SLC4A7: variants seen among roughly 807,000 people sequenced by gnomAD.
SLC4A7 encodes the protein solute carrier family 4 member 7.
A neutral mutation model predicts 137.6 loss-of-function variants in SLC4A7; 51 were observed. That is an observed-to-expected ratio of 0.37 (90% CI 0.30 to 0.47). The LOEUF (loss-of-function observed/expected upper bound fraction) is 0.47, where lower values mean the gene tolerates loss of function less well. SLC4A7 is among the 20% of genes least tolerant of loss of function. The pLI, the probability that SLC4A7 is intolerant of heterozygous loss-of-function variation, is 1.00. For synonymous variants in SLC4A7, 542 were observed against 518.6 expected (o/e 1.05, Z -0.61); for missense variants, 1,247 against 1,525.4 (o/e 0.82, Z 3.04).
chr3:27,441,769 C>A (rs113602328), intron 3 of SLC4A7, among the ~76,000 whole-genome samples: 2 of 152,034 alleles, frequency 1.3e-5, no homozygotes, highest in South Asian at 2.1e-4. Flanking sequence ...TACAGGCATG[C>A]GTCAACATGT....
chr3:27,438,127 G>A (rs1019671939), intron 3 of SLC4A7, among the ~76,000 whole-genome samples: 13 of 151,198 alleles, frequency 8.6e-5, no homozygotes, highest in African/African-American at 2.9e-4. Flanking sequence ...AACCTGGGAA[G>A]TGGAGATTGC....
chr3:27,480,760 T>C (rs779483101), intron 1 of SLC4A7, among the ~76,000 whole-genome samples: 6 of 152,190 alleles, frequency 3.9e-5, no homozygotes, highest in Non-Finnish European at 7.4e-5. Context: ...TCATACTGGG[T>C]TGTCCGGGTC....
chr3:27,415,374 A>G (rs1483999822), intron 11 of SLC4A7, among the ~76,000 whole-genome samples: 2 of 152,222 alleles, frequency 1.3e-5, no homozygotes, highest in Non-Finnish European at 2.9e-5. Flanking sequence ...TTTTCCCTTC[A>G]AAGCTCAGCA....
chr3:27,471,133 C>A (rs2059229040), intron 1 of SLC4A7, among the ~76,000 whole-genome samples: 1 of 152,098 alleles, frequency 6.6e-6, no homozygotes, highest in African/African-American at 2.4e-5. Flanking sequence ...ACAATATATG[C>A]CCCTACTATT....
chr3:27,459,988 TATAC>T (rs767439921), intron 1 of SLC4A7, among the ~76,000 whole-genome samples: 27,934 of 102,564 alleles, frequency 0.27, 3,018 homozygotes, highest in South Asian at 0.44. Flanking sequence ...TATATATATA[TATAC>T]ACACACACAC....
chr3:27,401,992 CTTT>C, intron 15 of SLC4A7, among the ~76,000 whole-genome samples: 2 of 152,264 alleles, frequency 1.3e-5, no homozygotes, highest in African/African-American at 4.8e-5. Context: ...TTCATACCCT[CTTT>C]ATTCTGTCCG....
chr3:27,484,069 TG>T lies in SLC4A7; in HGVS notation c.57del (p.Ser19ArgfsTer19). 7.1e-7 allele frequency: 1 copy of T among 1,408,528 alleles called. No individual in the cohort carries two copies. The highest frequency in any genetic ancestry group is 9.3e-7 in the Non-Finnish European group (1 of 1,077,280). The allele number at this position is 1,408,528 out of a possible 1,614,324, so 87.3% of individuals were successfully genotyped here. A position where few individuals can be genotyped will look rare whatever the true frequency, so the allele number is the denominator to read the frequency against. ...QMRPLLTRVT[S>X]RGPDEEAVVD... ...CCCCACCGCCGCGGCGCCCTCACCC[TG>T]CTCGTTACCCGGGTGAGTAGCGGTC... is the stretch of plus-strand genomic sequence containing the variant. On this transcript the variant is annotated frameshift_variant, in exon 1 of 26. Transcript: ENST00000454389. LOFTEE classifies it high-confidence loss of function.
rs183898995 is a variant in SLC4A7, at chr3:27,384,783, T to G, written c.3492+1109A>C. Among the ~76,000 whole-genome samples the G allele has an allele frequency of 3.1e-3, 475 of 152,068 alleles. 3 individuals carry two copies. The highest frequency in any genetic ancestry group is 0.011 in the African/African-American group (461 of 41,506). ...TTGAAGACCAGCCTGGCCAACATGG[T>G]GGAACCCTGTCTCTACTAAAAGTAC... On this transcript the variant is annotated intron_variant, in intron 23 of 25. Coordinates refer to ENST00000454389, the MANE Select transcript of SLC4A7 (RefSeq NM_001321103.2).
intron 2 of SLC4A7, among the ~76,000 whole-genome samples, chr3:27,451,495 C>A (rs538538605): frequency 6.6e-4 from 101 of 152,164 alleles, no homozygotes; most frequent in African/African-American, 2.4e-3. Flanking sequence ...TCCACCTACT[C>A]ATGCCAAAAC....
Position 27,395,127 on chromosome 3 carries a change from T to A in SLC4A7, c.2704-12A>T, listed in dbSNP as rs754457440. 1.3e-6 allele frequency: 2 copies of A among 1,555,546 alleles called. No individual in the cohort carries two copies. On this transcript the variant is annotated splice_polypyrimidine_tract_variant and intron_variant, in intron 18 of 25. Transcript: ENST00000454389. ...TCTGGATGAGTAGGCTGTTAAAAAA[T>A]TAAATATAATTTTCAAAAAGTCTCC...
At chr3:27,433,224 C>T (rs1296042244) in intron 6 of SLC4A7, 1 of 152,270 alleles carries the variant, frequency 6.6e-6, no homozygotes, top group Non-Finnish European at 1.5e-5. Flanking sequence ...ACAGCAACTA[C>T]TGGAGGCTAC....
chr3:27,441,959 G>A (rs1159705313), intron 3 of SLC4A7, among the ~76,000 whole-genome samples: 2 of 150,934 alleles, frequency 1.3e-5, no homozygotes, highest in Non-Finnish European at 2.9e-5. Flanking sequence ...GCAGTGACAC[G>A]ATCTCGGCTC....
chr3:27,455,738 T>C (rs1395349570), intron 1 of SLC4A7, among the ~76,000 whole-genome samples: 2 of 151,838 alleles, frequency 1.3e-5, no homozygotes, highest in Non-Finnish European at 2.9e-5. Flanking sequence ...ATTAGCTGAG[T>C]GCGGTGGAGC....
intron 21 of SLC4A7, 168 bp from the exon 22 acceptor site, chr3:27,390,272 GGTC>G: frequency 2.2e-6 from 1 of 455,120 alleles, no homozygotes; most frequent in Non-Finnish European, 3.9e-6. Flanking sequence ...TCCAAAGTGG[GGTC>G]GGGTGGGGGA....
chr3:27,469,169 AT>A (rs2059133324), intron 1 of SLC4A7, among the ~76,000 whole-genome samples: 1 of 152,088 alleles, frequency 6.6e-6, no homozygotes, highest in Non-Finnish European at 1.5e-5. Flanking sequence ...AACTCAAATC[AT>A]TTTTCCTGTG....
At chr3:27,481,307 A>G (rs991629399) in intron 1 of SLC4A7, among the ~76,000 whole-genome samples, 2 of 152,238 alleles carry the variant, frequency 1.3e-5, no homozygotes, top group Non-Finnish European at 2.9e-5. Context: ...AGTGAAAATT[A>G]GAGAATTTTA....
intron 7 of SLC4A7, among the ~76,000 whole-genome samples, chr3:27,425,189 G>A (rs1323497111): frequency 1.3e-5 from 2 of 151,888 alleles, no homozygotes; most frequent in African/African-American, 4.8e-5. Context: ...TGGCTAACAT[G>A]GTGAAACCCC....
At chr3:27,452,978 A>G (rs1279485864) in intron 1 of SLC4A7, among the ~76,000 whole-genome samples, 3 of 152,196 alleles carry the variant, frequency 2.0e-5, no homozygotes, top group Non-Finnish European at 4.4e-5. Flanking sequence ...TACCACTTTA[A>G]CTGATTAATC....
At chr3:27,474,949 AAC>A (rs2059403612) in intron 1 of SLC4A7, among the ~76,000 whole-genome samples, 1 of 151,942 alleles carries the variant, frequency 6.6e-6, no homozygotes, top group Non-Finnish European at 1.5e-5. Context: ...CTCTACTACA[AAC>A]ACAAAAAAAT....
Sources: gnomAD v4.1 joint callset for allele counts (sites outside exome capture counted in the v4.1 genomes callset) on GRCh38, gnomAD v4.1.1 for gene constraint, MANE v1.5 for transcripts, NCBI Gene and HGNC (gene_info 2026-07-23, HGNC 2026-07-21) for gene names.